Variants in GIPC2 observed in about 807,000 individuals in gnomAD.
The protein encoded by GIPC2 is GIPC PDZ domain containing family member 2.
Under a neutral mutation model 30.6 loss-of-function variants are expected in GIPC2, and 30 were observed. The ratio of observed to expected loss-of-function variants is 0.98; its 90% CI spans 0.73 to 1.33. GIPC2 has a LOEUF of 1.33. Among genes scored for constraint, GIPC2 ranks in the 40% most tolerant of loss-of-function variants. The pLI is 0.00. For missense variants in GIPC2, 414 were observed against 390.3 expected (o/e 1.06, Z -0.51); for synonymous variants, 167 against 150.0 (o/e 1.11, Z -0.83).
chr1:78,098,619 G>A (rs900780035), intron 3 of GIPC2, among the ~76,000 whole-genome samples: 1 of 152,182 alleles, frequency 6.6e-6, no homozygotes, highest in Non-Finnish European at 1.5e-5. Flanking sequence ...ACAGGAGGCT[G>A]TTATGGGCTG....
At chr1:78,100,665 C>T (rs1662227065) in intron 3 of GIPC2, among the ~76,000 whole-genome samples, 1 of 152,114 alleles carries the variant, frequency 6.6e-6, no homozygotes, top group African/African-American at 2.4e-5. Flanking sequence ...TGCGGTGGTT[C>T]ACTCCTATAA....
chr1:78,067,499 T>C (rs1200117807), intron 1 of GIPC2, among the ~76,000 whole-genome samples: 1 of 152,150 alleles, frequency 6.6e-6, no homozygotes, highest in African/African-American at 2.4e-5. Flanking sequence ...TTACCCAGGC[T>C]GAAGTGTAGT....
chr1:78,108,678 C>G (rs1176613001), intron 3 of GIPC2, among the ~76,000 whole-genome samples: 1 of 152,074 alleles, frequency 6.6e-6, no homozygotes, highest in Non-Finnish European at 1.5e-5. Flanking sequence ...AAGGGAGTGT[C>G]GTTAAAATCT....
intron 5 of GIPC2, among the ~76,000 whole-genome samples, chr1:78,126,282 G>A (rs1379624847): frequency 6.6e-6 from 1 of 152,016 alleles, no homozygotes; most frequent in Non-Finnish European, 1.5e-5. Context: ...CATATAAAAG[G>A]CATTATTATT....
chr1:78,066,873 G>C (rs759804554), intron 1 of GIPC2, among the ~76,000 whole-genome samples: 46 of 152,152 alleles, frequency 3.0e-4, no homozygotes, highest in Non-Finnish European at 1.8e-4. Context: ...CAGACACTGG[G>C]GCCTAGTGGA....
chr1:78,115,575 T>A (rs1662553320), intron 3 of GIPC2, among the ~76,000 whole-genome samples: 1 of 152,238 alleles, frequency 6.6e-6, no homozygotes, highest in South Asian at 2.1e-4. Context: ...TTAATCTTTT[T>A]CTTTGGATAC....
chr1:78,098,533 T>C (rs1047854523), intron 3 of GIPC2, among the ~76,000 whole-genome samples: 1 of 152,210 alleles, frequency 6.6e-6, no homozygotes, highest in Non-Finnish European at 1.5e-5. Flanking sequence ...GTGTTTCAGG[T>C]ACTCTGTGTG....
chr1:78,046,411 G>A, intron 1 of GIPC2, 77 bp downstream of exon 1: 1 of 1,381,314 alleles, frequency 7.2e-7, no homozygotes, highest in Non-Finnish European at 1.0e-6. Flanking sequence ...GTGGGCCCAG[G>A]AGGGTTGAGC....
intron 1 of GIPC2, among the ~76,000 whole-genome samples, chr1:78,071,685 C>G (rs1210697823): frequency 6.6e-6 from 1 of 151,920 alleles, no homozygotes. Context: ...GATCCTCCTA[C>G]CTTGGCTGGG....
chr1:78,122,567 G>A (rs888192138), intron 4 of GIPC2, among the ~76,000 whole-genome samples: 6 of 152,108 alleles, frequency 3.9e-5, no homozygotes, highest in African/African-American at 1.4e-4. Context: ...AGAAACTGTC[G>A]CTTTTGAAAC....
intron 1 of GIPC2, among the ~76,000 whole-genome samples, chr1:78,056,086 A>G (rs1023269955): frequency 2.0e-5 from 3 of 152,108 alleles, no homozygotes; most frequent in African/African-American, 4.8e-5. Context: ...CTAAACTTCC[A>G]TAACTCTTAT....
chr1:78,124,137 C>CA (rs1662737566), intron 4 of GIPC2, among the ~76,000 whole-genome samples: 2 of 152,112 alleles, frequency 1.3e-5, no homozygotes, highest in Admixed American at 1.3e-4. Context: ...CATCTTTGGG[C>CA]AATTCCATTT....
chr1:78,052,808 C>T (rs1661220037), intron 1 of GIPC2, among the ~76,000 whole-genome samples: 1 of 152,174 alleles, frequency 6.6e-6, no homozygotes, highest in South Asian at 2.1e-4. Context: ...TTCCCAGAAG[C>T]TGCTTCCTTT....
chr1:78,119,623 A>T, intron 4 of GIPC2, 124 bp downstream of exon 4: 1 of 612,824 alleles, frequency 1.6e-6, no homozygotes, highest in Non-Finnish European at 2.9e-6. Flanking sequence ...GAAATTACTG[A>T]AGGTATTTAA....
intron 3 of GIPC2, among the ~76,000 whole-genome samples, chr1:78,108,285 C>T (rs779582363): frequency 3.9e-5 from 6 of 152,088 alleles, no homozygotes; most frequent in Non-Finnish European, 4.4e-5. Context: ...AAGGTATGAA[C>T]TTTTTCCCCA....
chr1:78,132,274 A>G (rs1315882231), intron 5 of GIPC2, among the ~76,000 whole-genome samples: 1 of 152,236 alleles, frequency 6.6e-6, no homozygotes, highest in African/African-American at 2.4e-5. Context: ...TATCATTCTT[A>G]GTGATGATCA....
chr1:78,107,173 C>T (rs1023518421), intron 3 of GIPC2, among the ~76,000 whole-genome samples: 3 of 151,740 alleles, frequency 2.0e-5, no homozygotes, highest in Admixed American at 2.0e-4. Flanking sequence ...TTGCTCCCTC[C>T]CTCCCTCCTT....
At chr1:78,094,077 A>G (rs1376349446) in intron 2 of GIPC2, among the ~76,000 whole-genome samples, 1 of 152,224 alleles carries the variant, frequency 6.6e-6, no homozygotes, top group African/African-American at 2.4e-5. Context: ...ACATAAATGA[A>G]AAACAATAGC....
chr1:78,094,387 T>C (rs1277140893), intron 2 of GIPC2, among the ~76,000 whole-genome samples: 1 of 152,262 alleles, frequency 6.6e-6, no homozygotes, highest in Non-Finnish European at 1.5e-5. Context: ...AAATGAACAA[T>C]CGCACTGTGG....
Sources: gnomAD v4.1 joint callset for allele counts (sites outside exome capture counted in the v4.1 genomes callset) on GRCh38, gnomAD v4.1.1 for gene constraint, MANE v1.5 for transcripts, NCBI Gene and HGNC (gene_info 2026-07-23, HGNC 2026-07-21) for gene names.